RBFOX1: variants seen among roughly 807,000 people sequenced by gnomAD.
RBFOX1 encodes RNA binding fox-1 homolog 1.
Under a neutral mutation model 57.7 loss-of-function variants are expected in RBFOX1, and 8 were observed. The ratio of observed to expected loss-of-function variants is 0.14; its 90% CI spans 0.08 to 0.25. The LOEUF (loss-of-function observed/expected upper bound fraction) is 0.25. Among genes scored for constraint, RBFOX1 ranks in the 10% least tolerant of loss-of-function variants. The pLI, the probability that RBFOX1 is intolerant of heterozygous loss-of-function variation, is 1.00. For synonymous variants in RBFOX1, 326 were observed against 222.4 expected, an observed-to-expected ratio of 1.47 and a Z score of -4.15; for missense variants, 611 against 548.5, an observed-to-expected ratio of 1.11 and a Z score of -1.14.
At chr16:5,585,157 A>G (rs12928517) in intron 2 of RBFOX1, among the ~76,000 whole-genome samples, 31,903 of 152,076 alleles carry the variant, frequency 0.21, 4,768 homozygotes, top group East Asian at 0.5. Flanking sequence ...CCCTTAAGGA[A>G]CTACTCCCCA....
At position 5,452,348 on chromosome 16, in the gene RBFOX1, A is replaced by G. The variant is rs372250617; in HGVS notation, c.220-14868A>G. On this transcript the variant is annotated intron_variant, in intron 1 of 2. Coordinates refer to the RBFOX1 transcript ENST00000585867. Reference sequence around the variant, plus strand: ...GGTTTCAAACTCCTGGCCTCAAGTGATCCACCCGCCTCGACCTCCCAAAGT... The same window carrying G: ...GGTTTCAAACTCCTGGCCTCAAGTGGTCCACCCGCCTCGACCTCCCAAAGT... Among the ~76,000 whole-genome samples the G allele has an allele frequency of 3.3e-5, 5 of 151,794 alleles. No individual in the cohort carries two copies. In the East Asian group the frequency reaches 9.7e-4, roughly 30 times the overall value.
At chr16:5,956,659 TATATATATATATATATA>T (rs1567189707) in intron 4 of RBFOX1, among the ~76,000 whole-genome samples, 13 of 71,768 alleles carry the variant, frequency 1.8e-4, no homozygotes, top group Middle Eastern at 6.8e-3. Flanking sequence ...TATATATATT[TATATATATATATATATA>T]TATTTTTTTT....
At chr16:5,905,672 G>A (rs544873351) in intron 4 of RBFOX1, among the ~76,000 whole-genome samples, 1 of 152,222 alleles carries the variant, frequency 6.6e-6, no homozygotes, top group East Asian at 1.9e-4. Context: ...TCCAGCCAGA[G>A]GGAGACCCTG....
intron 13 of RBFOX1, among the ~76,000 whole-genome samples, chr16:7,672,865 C>CAAAAAAA (rs56693228): frequency 0.045 from 1,944 of 42,832 alleles, 541 homozygotes; most frequent in African/African-American, 0.1. Context: ...GACTCCATCT[C>CAAAAAAA]AAAAAAAAAA....
intron 4 of RBFOX1, among the ~76,000 whole-genome samples, chr16:7,377,753 C>T (rs544543842): frequency 6.6e-6 from 1 of 152,256 alleles, no homozygotes; most frequent in Admixed American, 6.5e-5. Flanking sequence ...GTAAACAAGA[C>T]GTCTAGGCCC....
chr16:5,850,950 C>T (rs925283879), intron 3 of RBFOX1, among the ~76,000 whole-genome samples: 2 of 152,226 alleles, frequency 1.3e-5, no homozygotes, highest in African/African-American at 2.4e-5. Flanking sequence ...CGGGCATATC[C>T]TGCTGCGTTC....
chr16:5,757,357 G>A (rs1480049251), intron 3 of RBFOX1, among the ~76,000 whole-genome samples: 4 of 150,852 alleles, frequency 2.7e-5, no homozygotes, highest in Non-Finnish European at 4.4e-5. Context: ...TCAGCCTCCC[G>A]AGTAGCTGGG....
At chr16:6,899,608 C>T (rs61666724) in intron 3 of RBFOX1, among the ~76,000 whole-genome samples, 1 of 152,280 alleles carries the variant, frequency 6.6e-6, no homozygotes, top group African/African-American at 2.4e-5. Context: ...AGAATGCTGT[C>T]AGCCTTAGTT....
chr16:7,462,053 A>G (rs1301015304), intron 4 of RBFOX1, among the ~76,000 whole-genome samples: 1 of 152,212 alleles, frequency 6.6e-6, no homozygotes, highest in Non-Finnish European at 1.5e-5. Flanking sequence ...CTGTGGGGAC[A>G]ATAGAACTGT....
chr16:6,814,247 T>TGGG (rs71378326), intron 3 of RBFOX1, among the ~76,000 whole-genome samples: 131 of 99,286 alleles, frequency 1.3e-3, no homozygotes, highest in African/African-American at 4.4e-3. Context: ...GAGAAAATTG[T>TGGG]GGTGGGGGGG....
chr16:6,263,757 G>A (rs891401502), intron 1 of RBFOX1, among the ~76,000 whole-genome samples: 1 of 152,066 alleles, frequency 6.6e-6, no homozygotes, highest in Non-Finnish European at 1.5e-5. Context: ...AAAGCACCCT[G>A]CCATGGTTTT....
chr16:6,436,470 C>G (rs904037945), intron 2 of RBFOX1, among the ~76,000 whole-genome samples: 2 of 147,750 alleles, frequency 1.4e-5, no homozygotes, highest in African/African-American at 5.0e-5. Flanking sequence ...GTAAAACATG[C>G]TGTGAACAAT....
At chr16:6,708,625 G>A (rs549767969) in intron 3 of RBFOX1, among the ~76,000 whole-genome samples, 5 of 152,294 alleles carry the variant, frequency 3.3e-5, no homozygotes, top group African/African-American at 1.2e-4. Context: ...ACAGCTGAGC[G>A]ATTTGCTATG....
intron 4 of RBFOX1, among the ~76,000 whole-genome samples, chr16:5,969,354 C>CG (rs1376379680): frequency 7.3e-6 from 1 of 136,502 alleles, no homozygotes; most frequent in Non-Finnish European, 1.5e-5. Context: ...CACTGTCACC[C>CG]GGGCTGGAGT....
chr16:7,003,978 G>C (rs1596632726), intron 3 of RBFOX1: 2 of 144,166 alleles, frequency 1.4e-5, no homozygotes, highest in African/African-American at 2.7e-5. Context: ...TCCCAGGGTA[G>C]AAATGAGGGG....
At chr16:5,677,076 G>A (rs1053442757) in intron 3 of RBFOX1, among the ~76,000 whole-genome samples, 1 of 152,144 alleles carries the variant, frequency 6.6e-6, no homozygotes, top group African/African-American at 2.4e-5. Flanking sequence ...TCCCAGGCTG[G>A]TGGGAAGTTC....
Position 5,583,850 on chromosome 16 carries a change from A to G in RBFOX1, c.259-15052A>G, listed in dbSNP as rs573682794. On this transcript the variant is annotated intron_variant, in intron 2 of 2. Transcript: ENST00000585867. ...GCTGAAATAAACAGCAGCATCTTCA[A>G]TGCTGGGCTGCCCCAGTCTAGAGCC... Among the ~76,000 whole-genome samples, 6 of 152,272 alleles carry G rather than the reference A, an allele frequency of 3.9e-5. No homozygotes were observed. In the East Asian group the frequency reaches 5.8e-4, roughly 15 times the overall value.
chr16:6,206,169 T>A (rs967568459), intron 1 of RBFOX1, among the ~76,000 whole-genome samples: 2 of 152,166 alleles, frequency 1.3e-5, no homozygotes, highest in African/African-American at 4.8e-5. Flanking sequence ...TTGAGCCTCC[T>A]CTCTTGCCTC....
rs528179974 is a variant in RBFOX1, at chr16:6,756,247, G to T, written c.-16+101597G>T. ...AAGGACACCCTCTTCAATAAGTAGT[G>T]CTGGGAAAAAAATGGATATCCGTAT... On this transcript the variant is annotated intron_variant, in intron 3 of 15. Transcript: ENST00000550418. 2.0e-5 allele frequency among the ~76,000 whole-genome samples: 3 copies of T among 152,148 alleles called. No individual in the cohort carries two copies. In the East Asian group the frequency reaches 5.8e-4, roughly 29 times the overall value.
Sources: allele counts gnomAD v4.1 joint callset (sites outside exome capture counted in the v4.1 genomes callset), GRCh38; gene constraint gnomAD v4.1.1; transcripts MANE v1.5; gene names NCBI Gene and HGNC (gene_info 2026-07-23, HGNC 2026-07-21).